Variants in TECR observed in about 807,000 individuals in gnomAD.
TECR encodes trans-2,3-enoyl-CoA reductase.
Under a neutral mutation model 50.6 loss-of-function variants are expected in TECR, and 19 were observed. That is an observed-to-expected ratio of 0.38 (90% CI 0.26 to 0.55). TECR has a LOEUF of 0.55. Among genes scored for constraint, TECR ranks in the 20% least tolerant of loss-of-function variants. The probability of loss-of-function intolerance (pLI) is 0.79; values close to 1 mark genes in which losing one functional copy is unlikely to be tolerated. For synonymous variants in TECR, 168 were observed against 163.5 expected, an observed-to-expected ratio of 1.03 and a Z score of -0.21; for missense variants, 313 against 408.3, an observed-to-expected ratio of 0.77 and a Z score of 2.01.
At chr19:14,546,132 G>A (rs1047600187) in intron 1 of TECR, among the ~76,000 whole-genome samples, 19 of 152,128 alleles carry the variant, frequency 1.2e-4, no homozygotes, top group African/African-American at 4.3e-4. Flanking sequence ...CACCTGGGGT[G>A]GTCACAAATC....
intron 1 of TECR, among the ~76,000 whole-genome samples, chr19:14,554,933 C>T (rs542700433): frequency 6.6e-6 from 1 of 152,000 alleles, no homozygotes; most frequent in Non-Finnish European, 1.5e-5. Context: ...CGTGTGCCAC[C>T]ATGCCCAGCT....
intron 1 of TECR, chr19:14,544,995 T>TTCCCTTCTCTGTTCCCTCCC: frequency 2.3e-6 from 1 of 429,250 alleles, no homozygotes; most frequent in Non-Finnish European, 4.7e-6. Context: ...TTTTCACTCC[T>TTCCCTTCTCTGTTCCCTCCC]TCCCTTCTCT....
Position 14,546,183 on chromosome 19 carries a change from C to T in TECR, c.16-16342C>T, listed in dbSNP as rs552872288. On this transcript the variant is annotated intron_variant, in intron 1 of 12. Transcript: ENST00000215567. ...CATGGGGGCGGCGCTGGGGGCTACT[C>T]AGCTGGGAAATCATTACAGACATTT... Among the ~76,000 whole-genome samples, 5 of 152,242 alleles carry T rather than the reference C, an allele frequency of 3.3e-5. No homozygotes were observed. In the East Asian group the frequency reaches 9.6e-4, roughly 29 times the overall value.
chr19:14,563,234 T>G lies in TECR; in HGVS notation c.95T>G (p.Ile32Ser). ...KVEPHATIAE[I>S]KNLFTKTHPQ... ...GAGCCCCACGCCACCATTGCGGAGA[T>G]CAAGAACCTCTTCACTAAGACCCGT... is the stretch of plus-strand genomic sequence containing the variant. The change falls in exon 3 of 13, where the codon ATC becomes AGC. Residue 32 changes from isoleucine (I) to serine (S), a missense_variant. By Grantham distance (142) the Ile-to-Ser change is moderately radical. Coordinates refer to ENST00000215567, the MANE Select transcript of TECR (RefSeq NM_138501.6). This position sits in a 1 kb window ranked among gnomAD's most constrained non-coding sequence, Gnocchi z 5.3. 1 of 1,613,460 alleles carries G rather than the reference T, an allele frequency of 6.2e-7. No homozygotes were observed. The highest frequency in any genetic ancestry group is 1.1e-5 in the South Asian group (1 of 91,046).
chr19:14,563,968 C>T lies in TECR; in HGVS notation c.268-14C>T, dbSNP rs375338679. The T allele has an allele frequency of 3.0e-5, 48 of 1,613,890 alleles. No homozygotes were observed. The African/African-American group carries it at 5.1e-4, about 17-fold the overall frequency. ...CCACGTTGGGTGACTCATCTTGCCC[C>T]CCTCTACTCTCAGGTCTTCCTAACA... On this transcript the variant is annotated splice_polypyrimidine_tract_variant and intron_variant, in intron 5 of 12. Transcript: ENST00000215567. The surrounding 1 kb of genome is among the most constrained non-coding windows in gnomAD (Gnocchi z 5.3).
chr19:14,538,172 C>T (rs146104120), intron 1 of TECR, among the ~76,000 whole-genome samples: 274 of 152,296 alleles, frequency 1.8e-3, no homozygotes, highest in African/African-American at 6.3e-3. Flanking sequence ...TTGTCCACAG[C>T]TAGTGGCTAG....
At chr19:14,552,638 C>T (rs563772714) in intron 1 of TECR, among the ~76,000 whole-genome samples, 1 of 151,904 alleles carries the variant, frequency 6.6e-6, no homozygotes, top group African/African-American at 2.4e-5. Context: ...GGGTTCACGC[C>T]ATTCTCCTGC....
At chr19:14,529,831 G>GGCGCAGTGGGCAAGCGTT (rs1201868041) in intron 1 of TECR, 120 bp downstream of exon 1, 28 of 1,408,676 alleles carry the variant, frequency 2.0e-5, no homozygotes, top group Non-Finnish European at 2.5e-5. Flanking sequence ...AGACGGCGCA[G>GGCGCAGTGGGCAAGCGTT]GCGCAGTGGG....
Position 14,565,065 on chromosome 19 carries a change from G to C in TECR, c.607-1G>C. 2 of 1,613,904 alleles carry C rather than the reference G, an allele frequency of 1.2e-6. No homozygotes were observed. Among genetic ancestry groups the C allele is most frequent in the Non-Finnish European group, 8.5e-7 (1 of 1,180,026 alleles). ...CTAGGCTGATCCTGCTTCTCTGACAGATCTGCCAGCTCGGCAACTTCTCCA... is the reference window on the plus strand; with the variant it reads ...CTAGGCTGATCCTGCTTCTCTGACACATCTGCCAGCTCGGCAACTTCTCCA... On this transcript the variant is annotated splice_acceptor_variant, in intron 9 of 12. Coordinates refer to ENST00000215567, the MANE Select transcript of TECR (RefSeq NM_138501.6). LOFTEE classifies it high-confidence loss of function.
intron 2 of TECR, among the ~76,000 whole-genome samples, chr19:14,562,969 G>T (rs1176484318): frequency 6.6e-6 from 1 of 152,100 alleles, no homozygotes; most frequent in Non-Finnish European, 1.5e-5. Flanking sequence ...TCCGCCACTA[G>T]CCGGGCTGGG....
At chr19:14,532,704 T>C (rs997183487) in intron 1 of TECR, among the ~76,000 whole-genome samples, 8 of 152,132 alleles carry the variant, frequency 5.3e-5, no homozygotes, top group African/African-American at 1.7e-4. Flanking sequence ...GCGGATTGCA[T>C]AGCAAGCAGA....
chr19:14,535,509 A>G (rs1599415204), intron 1 of TECR, among the ~76,000 whole-genome samples: 1 of 11,454 alleles, frequency 8.7e-5, no homozygotes, highest in Admixed American at 1.6e-3. Flanking sequence ...TCCGTCTCAA[A>G]AAAAAAAAAA....
intron 1 of TECR, among the ~76,000 whole-genome samples, chr19:14,539,972 C>T (rs1338397507): frequency 1.3e-5 from 2 of 151,850 alleles, no homozygotes; most frequent in African/African-American, 2.4e-5. Context: ...CTCCACCTCC[C>T]GGGTTCAAGT....
intron 1 of TECR, among the ~76,000 whole-genome samples, chr19:14,559,283 G>C (rs1373410231): frequency 6.6e-6 from 1 of 152,044 alleles, no homozygotes; most frequent in Non-Finnish European, 1.5e-5. Context: ...TCTCGTCCCA[G>C]AACATTTTCC....
Position 14,563,389 on chromosome 19 carries a change from G to C in TECR, c.118+132G>C. 1 of 974,632 alleles carries C rather than the reference G, an allele frequency of 1.0e-6. No homozygotes were observed. 60.4% of individuals were successfully genotyped at this position (974,632 alleles called of 1,614,324 possible). A position where few individuals can be genotyped will look rare whatever the true frequency, so the allele number is the denominator to read the frequency against. ...CCCCAGTGTGGCCCAGGCTTCTGGGGCGTGACTGGGGCAGGCGCCTCCACG... is the reference window on the plus strand; with the variant it reads ...CCCCAGTGTGGCCCAGGCTTCTGGGCCGTGACTGGGGCAGGCGCCTCCACG... On this transcript the variant is annotated intron_variant, in intron 3 of 12. Transcript: ENST00000215567. This position sits in a 1 kb window ranked among gnomAD's most constrained non-coding sequence, Gnocchi z 5.3.
At chr19:14,549,969 A>G (rs1050638167) in intron 1 of TECR, among the ~76,000 whole-genome samples, 2 of 151,648 alleles carry the variant, frequency 1.3e-5, no homozygotes, top group African/African-American at 2.4e-5. Flanking sequence ...AAAATAAACT[A>G]TACACCTGCC....
At chr19:14,559,935 C>T (rs963160419) in intron 1 of TECR, among the ~76,000 whole-genome samples, 2 of 152,110 alleles carry the variant, frequency 1.3e-5, no homozygotes, top group Admixed American at 6.5e-5. Flanking sequence ...GACGGACGGC[C>T]GTCCCACTGA....
At chr19:14,547,142 C>T (rs2073335670) in intron 1 of TECR, among the ~76,000 whole-genome samples, 1 of 152,200 alleles carries the variant, frequency 6.6e-6, no homozygotes, top group Admixed American at 6.5e-5. Context: ...AGAGCTTATT[C>T]ATAGCCTCTT....
In TECR at chr19:14,529,671, A is replaced by G. The variant is rs746060673; in HGVS notation, c.-26A>G. ...CGCAGTTAGGCAGCAGCAGCCGCGG[A>G]GCAGTAGCCGCCGTGGGAGGGAGCC... On this transcript the variant is annotated 5_prime_UTR_variant, in exon 1 of 13. Coordinates refer to ENST00000215567, the MANE Select transcript of TECR (RefSeq NM_138501.6). The G allele has an allele frequency of 6.2e-7, 1 of 1,613,764 alleles. No individual in the cohort carries two copies. Among genetic ancestry groups the G allele is most frequent in the Non-Finnish European group, 8.5e-7 (1 of 1,180,028 alleles).
Sources: gnomAD v4.1 joint callset for allele counts (sites outside exome capture counted in the v4.1 genomes callset) on GRCh38, gnomAD v4.1.1 for gene constraint, Gnocchi (gnomAD v3.1) non-coding constraint, MANE v1.5 for transcripts, NCBI Gene and HGNC (gene_info 2026-07-23, HGNC 2026-07-21) for gene names.